The following CIMIP3 variants were observed in gnomAD, a reference collection of about 807,000 sequenced individuals.
CIMIP3 encodes the protein ciliary microtubule inner protein 3, also known as GUCA1A neighbor.
chr6:42,157,582 G>A, the CIMIP3 span, among the ~76,000 whole-genome samples: 1 of 151,422 alleles, frequency 6.6e-6, no homozygotes, highest in Non-Finnish European at 1.5e-5. Context: ...TAGAGATGGG[G>A]TCTCACTATG....
chr6:42,156,467 T>G, the CIMIP3 span, among the ~76,000 whole-genome samples: 1 of 152,106 alleles, frequency 6.6e-6, no homozygotes, highest in Non-Finnish European at 1.5e-5. Flanking sequence ...GAATTTGAAC[T>G]GGGGTAGCTG....
chr6:42,160,856 C>G, the CIMIP3 span, among the ~76,000 whole-genome samples: 2 of 152,202 alleles, frequency 1.3e-5, no homozygotes, highest in Non-Finnish European at 2.9e-5. Context: ...TGGAGGAAAG[C>G]CCTGGACAAG....
At chr6:42,162,513 AG>A in the CIMIP3 span, among the ~76,000 whole-genome samples, 2 of 145,244 alleles carry the variant, frequency 1.4e-5, no homozygotes, top group Non-Finnish European at 3.0e-5. Context: ...GGCAAGCTGG[AG>A]GGGCCCCACA....
chr6:42,162,596 CCAAGGA>C, the CIMIP3 span, among the ~76,000 whole-genome samples: 1 of 148,930 alleles, frequency 6.7e-6, no homozygotes, highest in African/African-American at 2.5e-5. Flanking sequence ...AGGAGCCAGG[CCAAGGA>C]CACGGACAGA....
At chr6:42,162,397 A>G in the CIMIP3 span, among the ~76,000 whole-genome samples, 1 of 139,288 alleles carries the variant, frequency 7.2e-6, no homozygotes, top group African/African-American at 2.7e-5. Flanking sequence ...CCTGGGCAAC[A>G]AGAGCGAAAC....
chr6:42,160,419 TG>T, the CIMIP3 span, among the ~76,000 whole-genome samples: 479 of 152,340 alleles, frequency 3.1e-3, 6 homozygotes, highest in African/African-American at 0.011. Flanking sequence ...TCATTTCTTG[TG>T]GCTGTGCATC....
At chr6:42,158,943 T>TG in the CIMIP3 span, among the ~76,000 whole-genome samples, 3 of 152,086 alleles carry the variant, frequency 2.0e-5, no homozygotes, top group Non-Finnish European at 2.9e-5. Context: ...GGAGCAGGGA[T>TG]GGGGGGTGGG....
At chr6:42,156,560 T>C in the CIMIP3 span, among the ~76,000 whole-genome samples, 1 of 152,166 alleles carries the variant, frequency 6.6e-6, no homozygotes, top group Non-Finnish European at 1.5e-5. Flanking sequence ...TCAAAGCCCC[T>C]GTGCTCCCCC....
chr6:42,162,912 C>G, the CIMIP3 span: 18 of 614,776 alleles, frequency 2.9e-5, no homozygotes, highest in African/African-American at 5.6e-5. Flanking sequence ...TTCTTTCCCC[C>G]CTCCCAGGAC....
At chr6:42,162,946 T>C in the CIMIP3 span, 5 of 685,690 alleles carry the variant, frequency 7.3e-6, no homozygotes, top group African/African-American at 7.1e-5. Flanking sequence ...CTGTACCCAG[T>C]CATGGGCCAA....
the CIMIP3 span, chr6:42,155,478 T>A: frequency 1.4e-6 from 1 of 707,950 alleles, no homozygotes; most frequent in South Asian, 1.5e-5. Flanking sequence ...TGGTCCAGGA[T>A]GTGCAAGGTG....
chr6:42,159,934 G>A, the CIMIP3 span, among the ~76,000 whole-genome samples: 2 of 152,208 alleles, frequency 1.3e-5, no homozygotes, highest in African/African-American at 4.8e-5. Context: ...AGGATTAGAA[G>A]AGGTAATCCA....
chr6:42,155,454 A>G, the CIMIP3 span: 1 of 684,400 alleles, frequency 1.5e-6, no homozygotes, highest in Non-Finnish European at 2.7e-6. Context: ...CCACCTCACC[A>G]TCAAGAAAGG....
chr6:42,159,112 TAAAG>T, the CIMIP3 span, among the ~76,000 whole-genome samples: 7 of 152,192 alleles, frequency 4.6e-5, no homozygotes, highest in Non-Finnish European at 1.0e-4. Context: ...CTACCAAGGA[TAAAG>T]AGATTGCCAT....
chr6:42,155,708 A>C, the CIMIP3 span: 1 of 704,092 alleles, frequency 1.4e-6, no homozygotes, highest in Admixed American at 2.0e-5. Context: ...GAGAGGGAAC[A>C]GGACACCCTC....
chr6:42,159,199 G>A, the CIMIP3 span, among the ~76,000 whole-genome samples: 7 of 152,274 alleles, frequency 4.6e-5, no homozygotes, highest in South Asian at 1.5e-3. Flanking sequence ...TTGTTGTCAC[G>A]ACTGGGAGAA....
At chr6:42,159,800 G>T in the CIMIP3 span, among the ~76,000 whole-genome samples, 3 of 152,228 alleles carry the variant, frequency 2.0e-5, no homozygotes, top group Non-Finnish European at 4.4e-5. Context: ...GAAAGACCTG[G>T]GTTCAAATCC....
At chr6:42,162,810 C>G in the CIMIP3 span, 1 of 551,938 alleles carries the variant, frequency 1.8e-6, no homozygotes. Context: ...TCCAGAGTGG[C>G]TCTGGGGGCT....
the CIMIP3 span, among the ~76,000 whole-genome samples, chr6:42,158,951 G>T: frequency 6.6e-6 from 1 of 152,144 alleles, no homozygotes; most frequent in African/African-American, 2.4e-5. Context: ...GATGGGGGGT[G>T]GGGTATCTGC....
Sources: gnomAD v4.1 joint callset for allele counts (sites outside exome capture counted in the v4.1 genomes callset) on GRCh38, gnomAD v4.1.1 for gene constraint, MANE v1.5 for transcripts, NCBI Gene and HGNC (gene_info 2026-07-23, HGNC 2026-07-21) for gene names.